The following PRKN variants were observed in gnomAD, a reference collection of about 807,000 sequenced individuals.
The protein encoded by PRKN is parkin RBR E3 ubiquitin protein ligase, also known as E3 ubiquitin-protein ligase parkin.
A neutral mutation model predicts 59.5 loss-of-function variants in PRKN; 56 were observed. That is an observed-to-expected ratio of 0.94 (90% confidence interval 0.76 to 1.18). PRKN has a LOEUF of 1.18. PRKN is among the 50% of genes most tolerant of loss of function. The pLI is 0.00. For synonymous variants in PRKN, 250 were observed against 222.1 expected (o/e 1.13, Z -1.12); for missense variants, 657 against 596.4 (o/e 1.10, Z -1.06).
chr6:162,142,980 T>G (rs1293748570), intron 4 of PRKN, among the ~76,000 whole-genome samples: 1 of 152,222 alleles, frequency 6.6e-6, no homozygotes, highest in Admixed American at 6.5e-5. Flanking sequence ...AATTCCCAAT[T>G]TTGTGACTGA....
intron 1 of PRKN, among the ~76,000 whole-genome samples, chr6:162,453,559 A>T (rs1790725278): frequency 1.3e-5 from 2 of 152,106 alleles, no homozygotes; most frequent in African/African-American, 2.4e-5. Context: ...CTATGTAAGC[A>T]TGTCACACAG....
chr6:161,672,700 C>T (rs1336725358), intron 7 of PRKN, among the ~76,000 whole-genome samples: 5 of 151,750 alleles, frequency 3.3e-5, no homozygotes, highest in Admixed American at 1.3e-4. Context: ...CACTTGAACC[C>T]GGGAGGTGGA....
chr6:161,711,831 G>A (rs569872184), intron 7 of PRKN, among the ~76,000 whole-genome samples: 8 of 152,110 alleles, frequency 5.3e-5, no homozygotes, highest in Non-Finnish European at 8.8e-5. Flanking sequence ...CAAACATCAG[G>A]CTCCTAGTTC....
At chr6:162,483,575 G>T (rs73035873) in intron 1 of PRKN, among the ~76,000 whole-genome samples, 2 of 151,800 alleles carry the variant, frequency 1.3e-5, no homozygotes, top group African/African-American at 2.4e-5. Context: ...GAGAGAGGGA[G>T]AGAGGGAGAC....
At chr6:162,240,480 C>CCTA (rs1778940439) in intron 3 of PRKN, among the ~76,000 whole-genome samples, 1 of 152,040 alleles carries the variant, frequency 6.6e-6, no homozygotes. Context: ...CTCATGGCTA[C>CCTA]CTACTGATTA....
Position 161,671,885 on chromosome 6 carries a change from T to G in PRKN, c.872-102469A>C, listed in dbSNP as rs189720110. On this transcript the variant is annotated intron_variant, in intron 7 of 11. Transcript: ENST00000366898. ...TTTCGAGGGTTTTATTCTAGACACA[T>G]TTTTTGGTCTCAGTCAGATTTAGTA... Among the ~76,000 whole-genome samples, 883 of 152,326 alleles carry G rather than the reference T, an allele frequency of 5.8e-3. 6 individuals carry two copies. Among genetic ancestry groups the G allele is most frequent in the Non-Finnish European group, 0.01 (688 of 68,030 alleles).
At chr6:161,696,597 C>G (rs1786032750) in intron 7 of PRKN, among the ~76,000 whole-genome samples, 2 of 152,178 alleles carry the variant, frequency 1.3e-5, no homozygotes, top group South Asian at 2.1e-4. Flanking sequence ...CTTTCTATTT[C>G]TGTAACAGCT....
chr6:161,426,087 G>A (rs1434395160), intron 9 of PRKN, among the ~76,000 whole-genome samples: 2 of 151,970 alleles, frequency 1.3e-5, no homozygotes, highest in Non-Finnish European at 2.9e-5. Context: ...CAGCGTTGTA[G>A]GAGCAAAAAA....
At chr6:161,745,777 C>T (rs528974134) in intron 7 of PRKN, among the ~76,000 whole-genome samples, 131 of 152,342 alleles carry the variant, frequency 8.6e-4, no homozygotes, top group Non-Finnish European at 1.4e-3. Flanking sequence ...ATGTCTCTAA[C>T]AGCCCGACTG....
intron 3 of PRKN, among the ~76,000 whole-genome samples, chr6:162,240,154 T>C (rs1207524076): frequency 6.6e-6 from 1 of 152,208 alleles, no homozygotes; most frequent in Non-Finnish European, 1.5e-5. Context: ...AAGGTTTGTT[T>C]CAAGGAGTCG....
At chr6:162,135,159 C>T (rs940863517) in intron 4 of PRKN, among the ~76,000 whole-genome samples, 1 of 151,974 alleles carries the variant, frequency 6.6e-6, no homozygotes, top group African/African-American at 2.4e-5. Context: ...CTTTTACAGA[C>T]TGGGTCTTCC....
chr6:162,279,265 G>A (rs980375591), intron 2 of PRKN, among the ~76,000 whole-genome samples: 1 of 151,964 alleles, frequency 6.6e-6, no homozygotes, highest in African/African-American at 2.4e-5. Flanking sequence ...TTGAACCTGG[G>A]AGGCTGAGGT....
intron 1 of PRKN, among the ~76,000 whole-genome samples, chr6:162,724,298 A>G (rs186301923): frequency 6.6e-6 from 1 of 152,364 alleles, no homozygotes; most frequent in Admixed American, 6.5e-5. Context: ...ACCGACTTCA[A>G]TTAAATTATG....
intron 2 of PRKN, among the ~76,000 whole-genome samples, chr6:162,269,039 G>A (rs1780257440): frequency 6.6e-6 from 1 of 152,148 alleles, no homozygotes; most frequent in Admixed American, 6.5e-5. Context: ...GAACAAGTGG[G>A]TTGCAGAGGA....
chr6:161,721,666 T>TC (rs970234438), intron 7 of PRKN, among the ~76,000 whole-genome samples: 22 of 151,864 alleles, frequency 1.4e-4, no homozygotes, highest in Admixed American at 6.6e-5. Context: ...GGGCTCTGGG[T>TC]CCCCCCCGTG....
At chr6:162,307,400 TAA>T (rs545669121) in intron 2 of PRKN, among the ~76,000 whole-genome samples, 12 of 75,502 alleles carry the variant, frequency 1.6e-4, no homozygotes, top group East Asian at 2.9e-4. Context: ...ACCGTCTCAA[TAA>T]AAAAAAAAAA....
rs1051160467 is a variant in PRKN at position 162,505,508 on chromosome 6, C to T, written c.8-62035G>A. Among the ~76,000 whole-genome samples the T allele has an allele frequency of 1.3e-4, 20 of 152,118 alleles. 1 individual carries two copies. Among genetic ancestry groups the T allele is most frequent in the African/African-American group, 4.3e-4 (18 of 41,428 alleles). On this transcript the variant is annotated intron_variant, in intron 1 of 11. Transcript: ENST00000366898. ...ATGCTGGCAGTGGGACGCAGCAATC[C>T]GTGTTTTAACAAGCTCCCTTCCCCC...
chr6:161,866,823 G>T (rs1237797734), intron 6 of PRKN, among the ~76,000 whole-genome samples: 1 of 152,198 alleles, frequency 6.6e-6, no homozygotes, highest in Non-Finnish European at 1.5e-5. Flanking sequence ...GGACAGGGAG[G>T]AGCTGGTGGA....
chr6:162,632,457 G>GA (rs1777526263), intron 1 of PRKN, among the ~76,000 whole-genome samples: 1 of 152,026 alleles, frequency 6.6e-6, no homozygotes, highest in Non-Finnish European at 1.5e-5. Context: ...ACTAAACATT[G>GA]AACACACCTG....
Sources: gnomAD v4.1 joint callset for allele counts (sites outside exome capture counted in the v4.1 genomes callset) on GRCh38, gnomAD v4.1.1 for gene constraint, MANE v1.5 for transcripts, NCBI Gene and HGNC (gene_info 2026-07-23, HGNC 2026-07-21) for gene names.